Variants in RAB2A observed in about 807,000 individuals in gnomAD.
RAB2A encodes the protein RAB2A, member RAS oncogene family.
Under a neutral mutation model 32.5 loss-of-function variants are expected in RAB2A, and 7 were observed. That is an observed-to-expected ratio of 0.22 (90% CI 0.12 to 0.40). RAB2A has a LOEUF of 0.40. RAB2A is among the 10% of genes least tolerant of loss of function. The pLI is 1.00. For missense variants in RAB2A, 108 were observed against 260.7 expected (o/e 0.41, Z 4.03); for synonymous variants, 79 against 85.2 (o/e 0.93, Z 0.40).
intron 1 of RAB2A, among the ~76,000 whole-genome samples, chr8:60,524,603 T>G (rs1586059808): frequency 6.6e-6 from 1 of 152,264 alleles, no homozygotes; most frequent in East Asian, 1.9e-4. Flanking sequence ...AGGTTCTAGA[T>G]TCTCTCTCCT....
At position 60,522,535 on chromosome 8, in the gene RAB2A, TAAAC is replaced by T. The variant is rs1030751219; in HGVS notation, c.46+5285_46+5288del. 7.2e-5 allele frequency among the ~76,000 whole-genome samples: 11 copies of T among 152,298 alleles called. No homozygotes were observed. In the South Asian group the frequency reaches 1.9e-3, roughly 26 times the overall value. ...CTACTTTCTTTTTTAAAAAAAAATT[TAAAC>T]AATATCACACATAGTATTGGTGGTT... On this transcript the variant is annotated intron_variant, in intron 1 of 7. Coordinates refer to ENST00000262646, the MANE Select transcript of RAB2A (RefSeq NM_002865.3).
intron 2 of RAB2A, among the ~76,000 whole-genome samples, chr8:60,561,807 A>G (rs568637096): frequency 6.2e-4 from 94 of 152,270 alleles, no homozygotes; most frequent in African/African-American, 2.2e-3. Flanking sequence ...CGTAGGAGCA[A>G]TCTGGGTGAG....
chr8:60,556,504 T>G (rs879904227), intron 1 of RAB2A, among the ~76,000 whole-genome samples: 5 of 151,800 alleles, frequency 3.3e-5, no homozygotes, highest in African/African-American at 9.7e-5. Context: ...AAAAAAAAAT[T>G]TTAAGAACAC....
At chr8:60,534,914 C>T (rs1357989928) in intron 1 of RAB2A, among the ~76,000 whole-genome samples, 3 of 151,968 alleles carry the variant, frequency 2.0e-5, no homozygotes, top group South Asian at 2.1e-4. Context: ...CACCATTTAA[C>T]CTTTTTTTTT....
intron 3 of RAB2A, 98 bp from the exon 4 acceptor site, chr8:60,584,110 A>G: frequency 1.0e-6 from 1 of 972,570 alleles, no homozygotes; most frequent in South Asian, 1.4e-5. Context: ...CTCTTTATGC[A>G]CTCCTTCCCT....
At chr8:60,569,857 C>A in intron 2 of RAB2A, 1 of 405,106 alleles carries the variant, frequency 2.5e-6, no homozygotes, top group Non-Finnish European at 5.0e-6. Context: ...TACTAAAACC[C>A]AATTCTAGCT....
At chr8:60,602,622 A>C (rs1435137610) in intron 6 of RAB2A, among the ~76,000 whole-genome samples, 1 of 152,230 alleles carries the variant, frequency 6.6e-6, no homozygotes, top group Non-Finnish European at 1.5e-5. Context: ...AGCCAAGACC[A>C]AACTATGCTG....
At chr8:60,538,289 C>A (rs774497154) in intron 1 of RAB2A, among the ~76,000 whole-genome samples, 1 of 152,160 alleles carries the variant, frequency 6.6e-6, no homozygotes, top group African/African-American at 2.4e-5. Flanking sequence ...TATTCAAATA[C>A]CCTCAACTTT....
At chr8:60,537,842 G>C (rs763033048) in intron 1 of RAB2A, among the ~76,000 whole-genome samples, 8 of 152,026 alleles carry the variant, frequency 5.3e-5, no homozygotes, top group Non-Finnish European at 1.0e-4. Context: ...AACCATGGCT[G>C]GCTAATTTTT....
At chr8:60,517,873 T>G (rs1293902067) in intron 1 of RAB2A, among the ~76,000 whole-genome samples, 1 of 152,204 alleles carries the variant, frequency 6.6e-6, no homozygotes, top group African/African-American at 2.4e-5. Context: ...ATCTCATTAC[T>G]TGACGGCTGG....
intron 3 of RAB2A, among the ~76,000 whole-genome samples, chr8:60,583,345 C>T (rs1803793785): frequency 6.6e-6 from 1 of 152,106 alleles, no homozygotes; most frequent in Non-Finnish European, 1.5e-5. Context: ...CTTATAAGAG[C>T]TGTCTCGGTT....
chr8:60,525,583 G>A (rs1353747427), intron 1 of RAB2A, among the ~76,000 whole-genome samples: 1 of 152,030 alleles, frequency 6.6e-6, no homozygotes, highest in Non-Finnish European at 1.5e-5. Context: ...TATCTTCTGA[G>A]TTTTTACTTT....
intron 1 of RAB2A, among the ~76,000 whole-genome samples, chr8:60,555,583 T>A (rs574086927): frequency 3.3e-5 from 5 of 152,110 alleles, no homozygotes; most frequent in African/African-American, 1.2e-4. Flanking sequence ...GATACACAAA[T>A]GGCCATCAAG....
chr8:60,518,303 G>A (rs1296123497), intron 1 of RAB2A, among the ~76,000 whole-genome samples: 1 of 152,042 alleles, frequency 6.6e-6, no homozygotes, highest in Non-Finnish European at 1.5e-5. Context: ...GCACAACTTC[G>A]GTCATGTAAG....
At chr8:60,599,416 T>G (rs1804092404) in intron 6 of RAB2A, among the ~76,000 whole-genome samples, 1 of 152,140 alleles carries the variant, frequency 6.6e-6, no homozygotes, top group Non-Finnish European at 1.5e-5. Context: ...TACAATGTTT[T>G]GTAGATATAG....
intron 1 of RAB2A, among the ~76,000 whole-genome samples, chr8:60,553,314 C>T (rs1412435560): frequency 2.0e-5 from 3 of 152,152 alleles, no homozygotes. Flanking sequence ...GGAATTATTT[C>T]TTCTCTCTAG....
intron 3 of RAB2A, among the ~76,000 whole-genome samples, chr8:60,572,324 A>G (rs1049081750): frequency 6.6e-6 from 1 of 152,192 alleles, no homozygotes; most frequent in African/African-American, 2.4e-5. Flanking sequence ...GTTAGTGAGC[A>G]TATCTGAGTG....
rs187682014 is a variant in RAB2A at position 60,596,897 on chromosome 8, G to A, written c.474+4928G>A. Among the ~76,000 whole-genome samples the A allele has an allele frequency of 3.6e-3, 551 of 152,168 alleles. 4 individuals are homozygous for A. Among genetic ancestry groups the A allele is most frequent in the African/African-American group, 0.012 (515 of 41,494 alleles). On this transcript the variant is annotated intron_variant, in intron 6 of 7. Transcript: ENST00000262646. ...GATCACACCATTGCACTCCAGCCTC[G>A]GCGACAGAGTGAGACTCTGTCTCAA... is the stretch of plus-strand genomic sequence containing the variant.
At chr8:60,525,322 C>T (rs965704739) in intron 1 of RAB2A, among the ~76,000 whole-genome samples, 2 of 152,128 alleles carry the variant, frequency 1.3e-5, no homozygotes, top group African/African-American at 4.8e-5. Flanking sequence ...TTTCTCCTGC[C>T]GCCACGTAAT....
Sources: gnomAD v4.1 joint callset for allele counts (sites outside exome capture counted in the v4.1 genomes callset) on GRCh38, gnomAD v4.1.1 for gene constraint, MANE v1.5 for transcripts, NCBI Gene and HGNC (gene_info 2026-07-23, HGNC 2026-07-21) for gene names.